Variants in ZNF517 observed in about 807,000 individuals in gnomAD.
The protein encoded by ZNF517 is zinc finger protein 517.
In ZNF517, 12 loss-of-function variants were observed where a neutral mutation model predicts 12.1. The observed-to-expected ratio is 0.99, with a 90% CI of 0.63 to 1.61. The LOEUF (loss-of-function observed/expected upper bound fraction) is 1.61, where lower values mean the gene tolerates loss of function less well. Among genes scored for constraint, ZNF517 ranks in the 40% most tolerant of loss-of-function variants. The pLI, the probability that ZNF517 is intolerant of heterozygous loss-of-function variation, is 0.00. For missense variants in ZNF517, 781 were observed against 693.2 expected, an observed-to-expected ratio of 1.13 and a Z score of -1.42; for synonymous variants, 388 against 310.2, an observed-to-expected ratio of 1.25 and a Z score of -2.63.
intron 1 of ZNF517, among the ~76,000 whole-genome samples, chr8:144,799,273 C>T (rs59723718): frequency 0.058 from 8,881 of 152,276 alleles, 887 homozygotes; most frequent in African/African-American, 0.2. Context: ...CCCCTCGCTT[C>T]CGTCCGATGG....
downstream of ZNF517, among the ~76,000 whole-genome samples, chr8:144,813,408 A>T (rs1827610879): frequency 6.6e-6 from 1 of 152,112 alleles, no homozygotes; most frequent in Admixed American, 6.5e-5. Context: ...TCACACACAC[A>T]CAAAACGGAA....
At chr8:144,799,926 G>GGA (rs1826874786) in intron 1 of ZNF517, among the ~76,000 whole-genome samples, 1 of 152,182 alleles carries the variant, frequency 6.6e-6, no homozygotes, top group African/African-American at 2.4e-5. Context: ...GGCAACAGAG[G>GGA]GAGACTCTGT....
rs759062231 is a variant in ZNF517 at position 144,807,982 on chromosome 8, G to A, written c.1066G>A (p.Gly356Arg). 4.6e-6 allele frequency: 7 copies of A among 1,528,328 alleles called. No individual in the cohort carries two copies. The highest frequency in any genetic ancestry group is 2.1e-5 in the Admixed American group (1 of 47,996). The allele number at this position is 1,528,328 out of a possible 1,614,324, so 94.7% of individuals were successfully genotyped here. Residue 356 changes from glycine (G) to arginine (R), a missense_variant, in exon 5 of 5, where the codon GGA becomes AGA. Gly to Arg is a moderately radical substitution (Grantham distance 125). Coordinates refer to ENST00000359971, the MANE Select transcript of ZNF517 (RefSeq NM_213605.3). ...CGGCGTGGGGCAGGGCGCCCTGCTC[G>A]GAGCTGCGCAGAGGCCCCAGGCGGG... Reference protein sequence around the residue: ...DGGVGQGALLGAAQRPQAGDP... With the variant: ...DGGVGQGALLRAAQRPQAGDP...
downstream of ZNF517, chr8:144,810,395 G>A (rs1586769688): frequency 6.9e-6 from 3 of 432,922 alleles, no homozygotes; most frequent in Non-Finnish European, 1.2e-5. Flanking sequence ...TGTGCCAGGG[G>A]CTGCAGAAAG....
At chr8:144,803,828 A>C (rs1242800927) in intron 3 of ZNF517, 61 bp downstream of exon 3, 38 of 1,574,562 alleles carry the variant, frequency 2.4e-5, no homozygotes, top group Non-Finnish European at 3.2e-5. Context: ...CTTCAAAGGA[A>C]GTTGGTTCCA....
At chr8:144,803,090 G>A (rs1430573530) in intron 2 of ZNF517, 143 bp downstream of exon 2, 8 of 1,088,852 alleles carry the variant, frequency 7.3e-6, no homozygotes, top group South Asian at 1.5e-5. Context: ...CAGCCTCCTC[G>A]CTCTATGGCC....
In ZNF517 at chr8:144,807,707, G is replaced by A; in HGVS notation, c.791G>A (p.Gly264Asp). ...VHTRERPYAC[G>D]ECGKAFSRSS... ...ACCCGCGAGCGGCCCTACGCATGCG[G>A]CGAGTGCGGCAAGGCCTTCAGCCGC... Residue 264 changes from glycine to aspartate, a missense_variant, in exon 5 of 5, where the codon GGC becomes GAC. Physicochemically the swap from Gly to Asp is moderately conservative, Grantham distance 94 (BLOSUM62 -1). Transcript: ENST00000359971. 6.2e-7 allele frequency: 1 copy of A among 1,611,340 alleles called. No homozygotes were observed. The highest frequency in any genetic ancestry group is 8.5e-7 in the Non-Finnish European group (1 of 1,179,386).
chr8:144,803,441 C>T (rs1446848845), intron 2 of ZNF517, 200 bp from the exon 3 acceptor site: 1 of 645,076 alleles, frequency 1.6e-6, no homozygotes, highest in Non-Finnish European at 2.5e-6. Context: ...TTCAGTTTTT[C>T]CCTCTTCCTC....
rs761626952 is a variant in ZNF517 at position 144,803,478 on chromosome 8, C to T, written c.34-163C>T. On this transcript the variant is annotated intron_variant, in intron 2 of 4. Transcript: ENST00000359971. The stretch of plus-strand genomic sequence containing the variant: ...CTGGGGCTTCTGCTGAGAATGAGGC[C>T]GCTCACTCGGGGGGTGTTGGGCTGC... The T allele has an allele frequency of 6.5e-5, 55 of 849,806 alleles. 1 individual carries two copies. Among genetic ancestry groups the T allele is most frequent in the East Asian group, 8.0e-5 (3 of 37,602 alleles). 52.6% of individuals were successfully genotyped at this position (849,806 alleles called of 1,614,324 possible). A position where few individuals can be genotyped will look rare whatever the true frequency, so the allele number is the denominator to read the frequency against.
intron 1 of ZNF517, chr8:144,800,774 G>C: frequency 1.2e-6 from 1 of 834,062 alleles, no homozygotes; most frequent in Non-Finnish European, 1.4e-6. Flanking sequence ...TGTCAAAAGG[G>C]CTCTGCTGCC....
At position 144,807,452 on chromosome 8, in the gene ZNF517, G is replaced by C. The variant is rs1404098477; in HGVS notation, c.536G>C (p.Arg179Thr). The change falls in exon 5 of 5, where the codon AGG becomes ACG. Residue 179 changes from arginine to threonine, a missense_variant. Physicochemically the swap from Arg to Thr is moderately conservative, Grantham distance 71 (BLOSUM62 -1). Coordinates refer to ENST00000359971, the MANE Select transcript of ZNF517 (RefSeq NM_213605.3). Reference sequence around the variant, plus strand: ...GTGGGGAGCTCAGCCCCCCGCTACAGGTGCGTGTGCGGCAAGGCGTTCAGA... The same window carrying C: ...GTGGGGAGCTCAGCCCCCCGCTACACGTGCGTGTGCGGCAAGGCGTTCAGA... ...RPVGSSAPRY[R>T]CVCGKAFRYN... 1.9e-5 allele frequency: 30 copies of C among 1,577,012 alleles called. No individual in the cohort carries two copies. Among genetic ancestry groups the C allele is most frequent in the East Asian group, 1.7e-4 (7 of 42,222 alleles).
Position 144,808,321 on chromosome 8 carries a change from C to G in ZNF517, c.1405C>G (p.Gln469Glu), listed in dbSNP as rs767800541. Reference sequence around the variant, plus strand: ...CTGCAGCCGGCTGTCCACCCTCATCCAGCACCAGAAGGTGCACGGCCGCGA... The same window carrying G: ...CTGCAGCCGGCTGTCCACCCTCATCGAGCACCAGAAGGTGCACGGCCGCGA... ...RACSRLSTLI[Q>E]HQKVHGREPG... The change falls in exon 5 of 5, where the codon CAG becomes GAG. Residue 469 changes from glutamine to glutamate, a missense_variant. Transcript: ENST00000359971. 1.3e-6 allele frequency: 2 copies of G among 1,519,110 alleles called. No homozygotes were observed. Among genetic ancestry groups the G allele is most frequent in the African/African-American group, 2.8e-5 (2 of 72,246 alleles). 94.1% of individuals were successfully genotyped at this position (1,519,110 alleles called of 1,614,324 possible).
chr8:144,807,804 G>A lies in ZNF517; in HGVS notation c.888G>A (p.Lys296=), dbSNP rs1827336582. 6.2e-7 allele frequency: 1 copy of A among 1,611,174 alleles called. No homozygotes were observed. Among genetic ancestry groups the A allele is most frequent in the Non-Finnish European group, 8.5e-7 (1 of 1,179,002 alleles). The change falls in exon 5 of 5, where the codon AAG becomes AAA. Residue 296 remains lysine (K), a synonymous_variant. Transcript: ENST00000359971. ...CCTTCGCGTGCACAGAGTGCGGCAA[G>A]GCGTTCTGCCGCAGGTTCACCCTCA... ...EKPFACTECG[K]AFCRRFTLNE... is the part of the protein sequence containing the mutation.
Position 144,808,244 on chromosome 8 carries a change from A to T in ZNF517, c.1328A>T (p.Tyr443Phe). Residue 443 changes from tyrosine to phenylalanine, a missense_variant, in exon 5 of 5, where the codon TAC becomes TTC. Transcript: ENST00000359971. Reference protein sequence around the residue: ...FRRSYTLNEHYRLHSGERPYR... With the variant: ...FRRSYTLNEHFRLHSGERPYR... Reference sequence around the variant, plus strand: ...AGGAGCTACACGCTGAACGAGCACTACCGGCTCCACAGCGGCGAGAGGCCA... The same window carrying T: ...AGGAGCTACACGCTGAACGAGCACTTCCGGCTCCACAGCGGCGAGAGGCCA... 6.3e-7 allele frequency: 1 copy of T among 1,599,328 alleles called. No homozygotes were observed. Among genetic ancestry groups the T allele is most frequent in the African/African-American group, 1.3e-5 (1 of 74,674 alleles).
rs941682827 is a variant in ZNF517, at chr8:144,809,466, A to G, written c.*1071A>G. The G allele has an allele frequency of 6.6e-6, 1 of 152,264 alleles. No individual in the cohort carries two copies. Among genetic ancestry groups the G allele is most frequent in the African/African-American group, 2.4e-5 (1 of 41,460 alleles). The allele number at this position is 152,264 out of a possible 1,614,324, so 9.4% of individuals were successfully genotyped here. Reference sequence around the variant, plus strand: ...TTGGTTGGGGACCCAGATGGAACACAAAGGGAGAAGACAAGCAAATTCTCT... The same window carrying G: ...TTGGTTGGGGACCCAGATGGAACACGAAGGGAGAAGACAAGCAAATTCTCT... On this transcript the variant is annotated 3_prime_UTR_variant, in exon 5 of 5. Coordinates refer to ENST00000359971, the MANE Select transcript of ZNF517 (RefSeq NM_213605.3).
chr8:144,807,587 A>C lies in ZNF517; in HGVS notation c.671A>C (p.Gln224Pro). The C allele has an allele frequency of 1.9e-6, 3 of 1,605,276 alleles. No homozygotes were observed. The highest frequency in any genetic ancestry group is 1.7e-5 in the Admixed American group (1 of 58,934). ...CAAAGCTCCATCCTGCTGCGGCACC[A>C]GCTGATCCACACTGAGGAGAAGCCG... is the stretch of plus-strand genomic sequence containing the variant. Reference protein sequence around the residue: ...FKQSSILLRHQLIHTEEKPFQ... With the variant: ...FKQSSILLRHPLIHTEEKPFQ... The change falls in exon 5 of 5, where the codon CAG becomes CCG. Residue 224 changes from glutamine to proline, a missense_variant. Coordinates refer to ENST00000359971, the MANE Select transcript of ZNF517 (RefSeq NM_213605.3).
intron 1 of ZNF517, among the ~76,000 whole-genome samples, chr8:144,800,114 G>T (rs1826884835): frequency 6.6e-6 from 1 of 151,806 alleles, no homozygotes; most frequent in Admixed American, 6.6e-5. Context: ...GGCTTATTCT[G>T]CGTATGGAAG....
chr8:144,807,275 G>A lies in ZNF517; in HGVS notation c.359G>A (p.Gly120Glu), dbSNP rs777402139. The change falls in exon 5 of 5, where the codon GGG (glycine) becomes GAG (glutamate). Residue 120 changes from glycine to glutamate, a missense_variant. Transcript: ENST00000359971. The part of the protein sequence containing the change: ...RQAGLPGTVW[G>E]CLPWGHPVGG... ...GCAGGACTGCCGGGCACCGTGTGGG[G>A]GTGCCTCCCCTGGGGGCACCCTGTG... The A allele has an allele frequency of 6.4e-7, 1 of 1,555,010 alleles. No individual in the cohort carries two copies. Among genetic ancestry groups the A allele is most frequent in the Non-Finnish European group, 8.7e-7 (1 of 1,152,228 alleles).
intron 4 of ZNF517, among the ~76,000 whole-genome samples, chr8:144,806,853 G>C (rs1004030472): frequency 5.9e-5 from 9 of 152,144 alleles, no homozygotes; most frequent in Admixed American, 2.6e-4. Flanking sequence ...CAAAGACTCT[G>C]TCTTCACTTG....
Sources: allele counts gnomAD v4.1 joint callset (sites outside exome capture counted in the v4.1 genomes callset), GRCh38; gene constraint gnomAD v4.1.1; transcripts MANE v1.5; gene names NCBI Gene and HGNC (gene_info 2026-07-23, HGNC 2026-07-21).